The following CEP290 variants were observed in gnomAD, a reference collection of about 807,000 sequenced individuals.
The protein encoded by CEP290 is centrosomal protein 290, also known as centrosomal protein of 290 kDa.
CEP290 carries 317 observed loss-of-function variants against 344.9 expected under a neutral mutation model. The observed-to-expected ratio is 0.92, with a 90% CI of 0.84 to 1.01. The LOEUF is 1.01. Among genes scored for constraint, CEP290 ranks in the 50% least tolerant of loss-of-function variants. The probability of loss-of-function intolerance (pLI) is 0.00; values close to 1 mark genes in which losing one functional copy is unlikely to be tolerated. For missense variants in CEP290, 2,754 were observed against 2,761.4 expected (o/e 1.00, Z 0.06); for synonymous variants, 932 against 895.8 (o/e 1.04, Z -0.72).
Position 88,139,130 on chromosome 12 carries a change from T to C in CEP290, c.297+15A>G. 8.6e-7 allele frequency: 1 copy of C among 1,164,774 alleles called. No individual in the cohort carries two copies. Among genetic ancestry groups the C allele is most frequent in the East Asian group, 2.7e-5 (1 of 37,160 alleles). 72.2% of individuals were successfully genotyped at this position (1,164,774 alleles called of 1,614,324 possible). On this transcript the variant is annotated intron_variant, in intron 5 of 53. Coordinates refer to ENST00000552810, the MANE Select transcript of CEP290 (RefSeq NM_025114.4). ...TTAATGACAATTACATCCTAGGGAA[T>C]ACAAAAAGACATACCTCCAGTTCAT...
chr12:88,049,035 A>C lies in CEP290; in HGVS notation c.*149T>G. 4.5e-6 allele frequency: 2 copies of C among 442,066 alleles called. No individual in the cohort carries two copies. Among genetic ancestry groups the C allele is most frequent in the East Asian group, 7.1e-5 (2 of 28,170 alleles). 27.4% of individuals were successfully genotyped at this position (442,066 alleles called of 1,614,324 possible). On this transcript the variant is annotated 3_prime_UTR_variant, in exon 54 of 54. Coordinates refer to ENST00000552810, the MANE Select transcript of CEP290 (RefSeq NM_025114.4). ...TTATAATAAGTTGAAAATTTCATAT[A>C]ATTTTATTTATTAAGAATTCCAATC...
intron 25 of CEP290, among the ~76,000 whole-genome samples, chr12:88,105,031 A>G (rs1370590274): frequency 6.6e-6 from 1 of 152,220 alleles, no homozygotes; most frequent in African/African-American, 2.4e-5. Flanking sequence ...ACTAGTGGCA[A>G]TGATACTCTG....
intron 29 of CEP290, among the ~76,000 whole-genome samples, chr12:88,091,418 GAGAT>G (rs1052298459): frequency 9.4e-5 from 13 of 138,144 alleles, no homozygotes; most frequent in African/African-American, 1.1e-4. Context: ...AAAAAAAAAA[GAGAT>G]AGCCTAATGG....
chr12:88,054,269 G>T, intron 51 of CEP290, 71 bp downstream of exon 51: 1 of 951,506 alleles, frequency 1.1e-6, no homozygotes, highest in Non-Finnish European at 1.6e-6. Context: ...GTAGCAATTC[G>T]GAGTATATAA....
chr12:88,111,249 C>A lies in CEP290; in HGVS notation c.2320G>T (p.Ala774Ser). Residue 774 changes from alanine (A) to serine (S), a missense_variant, in exon 22 of 54, where the codon GCC (alanine) becomes TCC (serine). Physicochemically the swap from Ala to Ser is moderately conservative, Grantham distance 99. Coordinates refer to ENST00000552810, the MANE Select transcript of CEP290 (RefSeq NM_025114.4). ...DLPDGIAPSS[A>S]SIINSQNEYL... ...TCATTCTGAGAATTAATGATACTGG[C>A]ACTAGATGGTGCTATCCCATCAGGT... 6.7e-7 allele frequency: 1 copy of A among 1,500,940 alleles called. No homozygotes were observed. Among genetic ancestry groups the A allele is most frequent in the Non-Finnish European group, 8.9e-7 (1 of 1,123,732 alleles). The allele number at this position is 1,500,940 out of a possible 1,614,324, so 93.0% of individuals were successfully genotyped here. A position where few individuals can be genotyped will look rare whatever the true frequency, so the allele number is the denominator to read the frequency against.
chr12:88,060,502 G>A (rs1388723663), intron 47 of CEP290, among the ~76,000 whole-genome samples: 1 of 152,114 alleles, frequency 6.6e-6, no homozygotes, highest in Non-Finnish European at 1.5e-5. Context: ...AGAGCTTGCA[G>A]TGAGTCAAGA....
At chr12:88,068,906 T>C (rs1353395502) in intron 43 of CEP290, among the ~76,000 whole-genome samples, 1 of 152,114 alleles carries the variant, frequency 6.6e-6, no homozygotes, top group Non-Finnish European at 1.5e-5. Context: ...CTGAAATACA[T>C]TAACATTTTT....
chr12:88,106,549 A>T, intron 25 of CEP290, 126 bp downstream of exon 25: 1 of 620,374 alleles, frequency 1.6e-6, no homozygotes, highest in Non-Finnish European at 2.6e-6. Context: ...AGAAGAAGCA[A>T]TTATGACAAA....
intron 21 of CEP290, 109 bp from the exon 22 acceptor site, chr12:88,111,460 G>T: frequency 9.1e-7 from 1 of 1,102,604 alleles, no homozygotes; most frequent in Non-Finnish European, 1.3e-6. Context: ...CCATACTTCA[G>T]TTTCTGCTTA....
chr12:88,131,856 T>C (rs1050770525), intron 6 of CEP290, among the ~76,000 whole-genome samples: 1 of 152,208 alleles, frequency 6.6e-6, no homozygotes, highest in African/African-American at 2.4e-5. Flanking sequence ...ATTTTACTTT[T>C]CTAAGTCATA....
chr12:88,083,002 T>C, intron 37 of CEP290, 29 bp downstream of exon 37: 3 of 1,295,214 alleles, frequency 2.3e-6, no homozygotes, highest in African/African-American at 1.5e-5. Context: ...ATCATTTGCC[T>C]ATTTTTACAA....
At chr12:88,071,248 C>A in intron 43 of CEP290, 46 bp downstream of exon 43, 2 of 1,474,876 alleles carry the variant, frequency 1.4e-6, no homozygotes, top group African/African-American at 1.4e-5. Flanking sequence ...AGGGGTCAAC[C>A]AGTTTTTCAT....
chr12:88,139,075 T>C, intron 5 of CEP290, 70 bp downstream of exon 5: 1 of 817,636 alleles, frequency 1.2e-6, no homozygotes, highest in Non-Finnish European at 2.0e-6. Flanking sequence ...CAACAATAAT[T>C]TTAAAATTTG....
intron 20 of CEP290, among the ~76,000 whole-genome samples, chr12:88,112,289 C>T (rs1418377156): frequency 6.6e-6 from 1 of 152,012 alleles, no homozygotes; most frequent in Non-Finnish European, 1.5e-5. Context: ...GTATTTTTCT[C>T]TGAAATTATA....
chr12:88,055,015 G>T (rs759218916), intron 50 of CEP290, among the ~76,000 whole-genome samples: 2 of 152,162 alleles, frequency 1.3e-5, no homozygotes, highest in Non-Finnish European at 2.9e-5. Context: ...AGTAGTAGAA[G>T]ATGAGATTGG....
intron 13 of CEP290, among the ~76,000 whole-genome samples, chr12:88,121,593 C>T (rs2039403384): frequency 7.1e-6 from 1 of 140,600 alleles, no homozygotes; most frequent in Admixed American, 7.4e-5. Flanking sequence ...AATATAAACG[C>T]AAAGTTCATA....
rs1194600958 is a variant in CEP290, at chr12:88,086,518, T to C, written c.4195-20A>G. The C allele has an allele frequency of 1.3e-6, 2 of 1,545,144 alleles. No homozygotes were observed. The highest frequency in any genetic ancestry group is 2.4e-5 in the South Asian group (2 of 84,576). ...ATGAAACTAAAAAAAGGACAATTTG[T>C]GTCAGACACATACACGAAGACATCA... On this transcript the variant is annotated intron_variant, in intron 32 of 53. Transcript: ENST00000552810.
intron 13 of CEP290, among the ~76,000 whole-genome samples, chr12:88,122,602 G>A (rs1384173909): frequency 6.6e-6 from 1 of 151,974 alleles, no homozygotes; most frequent in Non-Finnish European, 1.5e-5. Context: ...TGAGCTTTAG[G>A]GATTATATAA....
chr12:88,058,993 TC>T lies in CEP290; in HGVS notation c.6672del (p.Ile2225Ter). 1 of 1,611,628 alleles carries T rather than the reference TC, an allele frequency of 6.2e-7. No individual in the cohort carries two copies. Among genetic ancestry groups the T allele is most frequent in the Non-Finnish European group, 8.5e-7 (1 of 1,179,108 alleles). On this transcript the variant is annotated frameshift_variant, in exon 49 of 54. Coordinates refer to ENST00000552810, the MANE Select transcript of CEP290 (RefSeq NM_025114.4). LOFTEE classifies it high-confidence loss of function. ...AATATCTCTAAATTATTCTTTGCTA[TC>T]CGTAATTTCTCTGCAGCATCAGTTT... ...KKETDAAEKLRIAKNNLEILN... is the reference protein window; with the variant it reads ...KKETDAAEKLXIAKNNLEILN...
Sources: gnomAD v4.1 joint callset for allele counts (sites outside exome capture counted in the v4.1 genomes callset) on GRCh38, gnomAD v4.1.1 for gene constraint, MANE v1.5 for transcripts, NCBI Gene and HGNC (gene_info 2026-07-23, HGNC 2026-07-21) for gene names.